ENAH: variants seen among roughly 807,000 people sequenced by gnomAD.
The protein encoded by ENAH is ENAH actin regulator.
ENAH carries 23 observed loss-of-function variants against 78.7 expected under a neutral mutation model. That is an observed-to-expected ratio of 0.29 (90% confidence interval 0.21 to 0.41). The LOEUF is 0.41. Ranked by LOEUF, ENAH falls within the 10% of genes least tolerant of loss-of-function variation. ENAH has a pLI of 1.00. For synonymous variants in ENAH, 226 were observed against 241.0 expected, an observed-to-expected ratio of 0.94 and a Z score of 0.58; for missense variants, 544 against 691.0, an observed-to-expected ratio of 0.79 and a Z score of 2.39.
intron 1 of ENAH, among the ~76,000 whole-genome samples, chr1:225,607,498 C>A: frequency 7.1e-6 from 1 of 140,090 alleles, no homozygotes; most frequent in South Asian, 2.3e-4. Context: ...TTCAGGAATC[C>A]AGAGCAGGGT....
intron 1 of ENAH, among the ~76,000 whole-genome samples, chr1:225,642,191 A>G (rs921045079): frequency 2.0e-5 from 3 of 148,236 alleles, no homozygotes; most frequent in African/African-American, 7.5e-5. Context: ...GGTGAGAAAG[A>G]GTGAGACTCC....
chr1:225,600,529 G>C (rs2096925388), intron 1 of ENAH, among the ~76,000 whole-genome samples: 1 of 152,070 alleles, frequency 6.6e-6, no homozygotes, highest in South Asian at 2.1e-4. Flanking sequence ...CTAATACAAA[G>C]GCCTAAAAGC....
intron 1 of ENAH, among the ~76,000 whole-genome samples, chr1:225,606,228 G>A (rs190188799): frequency 3.9e-5 from 6 of 152,070 alleles, no homozygotes; most frequent in African/African-American, 7.2e-5. Flanking sequence ...TTGGAAGGCC[G>A]AGGCAGGTGG....
At chr1:225,529,155 C>T (rs532440575) in intron 4 of ENAH, among the ~76,000 whole-genome samples, 15 of 152,290 alleles carry the variant, frequency 9.8e-5, no homozygotes, top group Non-Finnish European at 1.8e-4. Context: ...CAGATCATGC[C>T]TATGTTCAAA....
intron 1 of ENAH, among the ~76,000 whole-genome samples, chr1:225,585,344 T>C (rs2096840895): frequency 6.6e-6 from 1 of 151,940 alleles, no homozygotes; most frequent in Admixed American, 6.6e-5. Flanking sequence ...ACAAAAAAAT[T>C]TGCAAGCACA....
At chr1:225,574,600 T>C (rs1279559879) in intron 1 of ENAH, among the ~76,000 whole-genome samples, 3 of 119,220 alleles carry the variant, frequency 2.5e-5, no homozygotes, top group African/African-American at 1.0e-4. Flanking sequence ...AGACTCTGTC[T>C]CCAAAATATA....
At chr1:225,615,670 T>C (rs1421048135) in intron 1 of ENAH, among the ~76,000 whole-genome samples, 1 of 148,142 alleles carries the variant, frequency 6.8e-6, no homozygotes, top group African/African-American at 2.5e-5. Context: ...GTCTGGGATG[T>C]GAGGAGCGCC....
chr1:225,546,742 T>C (rs895034566), intron 3 of ENAH, among the ~76,000 whole-genome samples: 1 of 152,194 alleles, frequency 6.6e-6, no homozygotes, highest in Non-Finnish European at 1.5e-5. Flanking sequence ...TATACTGTAA[T>C]TAACCCCCTT....
rs180757052 is a variant in ENAH, at chr1:225,491,577, C to G, written c.*6198G>C. ...GCTTAAGAGACCAAATTTTTAAAAG[C>G]GTTCTGTAATGTATCTCTCTTATAT... On this transcript the variant is annotated 3_prime_UTR_variant, in exon 14 of 14. Transcript: ENST00000366843. The G allele has an allele frequency of 7.2e-5, 11 of 152,064 alleles. No individual in the cohort carries two copies. Among genetic ancestry groups the G allele is most frequent in the African/African-American group, 2.7e-4 (11 of 41,490 alleles). 9.4% of individuals were successfully genotyped at this position (152,064 alleles called of 1,614,324 possible). A position where few individuals can be genotyped will look rare whatever the true frequency, so the allele number is the denominator to read the frequency against.
intron 1 of ENAH, among the ~76,000 whole-genome samples, chr1:225,602,696 T>C (rs1166950657): frequency 2.0e-5 from 3 of 152,108 alleles, no homozygotes; most frequent in African/African-American, 7.2e-5. Flanking sequence ...TCAACAAATA[T>C]GACCATGCTG....
chr1:225,645,906 T>TA (rs1317534589), intron 1 of ENAH, among the ~76,000 whole-genome samples: 3 of 152,318 alleles, frequency 2.0e-5, no homozygotes, highest in East Asian at 1.9e-4. Context: ...TCTCTACACT[T>TA]AGATATACAT....
chr1:225,639,538 G>A (rs989205829), intron 1 of ENAH, among the ~76,000 whole-genome samples: 2 of 152,010 alleles, frequency 1.3e-5, no homozygotes, highest in Admixed American at 1.3e-4. Context: ...GCTCTGAGAT[G>A]CCTTCCACCA....
Position 225,496,263 on chromosome 1 carries a change from T to C in ENAH, c.*1512A>G, listed in dbSNP as rs532687849. On this transcript the variant is annotated 3_prime_UTR_variant, in exon 14 of 14. Coordinates refer to ENST00000366843, the MANE Select transcript of ENAH (RefSeq NM_018212.6). The stretch of plus-strand genomic sequence containing the variant: ...GAAAGAAAAGGGAGTGGCTTCCATA[T>C]AGACAGCACGTGCGCGAGAGCACAC... 5.7e-4 allele frequency: 87 copies of C among 152,446 alleles called. No individual in the cohort carries two copies. The highest frequency in any genetic ancestry group is 1.9e-3 in the African/African-American group (79 of 41,588). The allele number at this position is 152,446 out of a possible 1,614,324, so 9.4% of individuals were successfully genotyped here.
rs547197784 is a variant in ENAH at position 225,635,663 on chromosome 1, T to C, written c.5+17023A>G. Among the ~76,000 whole-genome samples the C allele has an allele frequency of 8.9e-4, 135 of 152,304 alleles. 1 individual carries two copies. The highest frequency in any genetic ancestry group is 3.1e-3 in the African/African-American group (127 of 41,568). On this transcript the variant is annotated intron_variant, in intron 1 of 13. Coordinates refer to ENST00000366843, the MANE Select transcript of ENAH (RefSeq NM_018212.6). Reference sequence around the variant, plus strand: ...CAGTATATCACAATGTGACCTCTTTTACAAGCAGGGTCTTTGCAGATGTAA... The same window carrying C: ...CAGTATATCACAATGTGACCTCTTTCACAAGCAGGGTCTTTGCAGATGTAA...
intron 1 of ENAH, among the ~76,000 whole-genome samples, chr1:225,584,702 G>C (rs2096836735): frequency 6.6e-6 from 1 of 151,014 alleles, no homozygotes; most frequent in Admixed American, 6.6e-5. Context: ...ATAAACATTG[G>C]TAAGCAACAA....
intron 3 of ENAH, among the ~76,000 whole-genome samples, chr1:225,548,259 T>C (rs940814325): frequency 1.7e-4 from 26 of 151,028 alleles, no homozygotes; most frequent in African/African-American, 5.6e-4. Flanking sequence ...TCTAGTTTAA[T>C]ACTATGCCTT....
chr1:225,634,971 C>A (rs570913388), intron 1 of ENAH, among the ~76,000 whole-genome samples: 1 of 152,142 alleles, frequency 6.6e-6, no homozygotes, highest in Non-Finnish European at 1.5e-5. Flanking sequence ...ATAAGGATTA[C>A]GTTGTGTCTG....
intron 3 of ENAH, among the ~76,000 whole-genome samples, chr1:225,544,671 A>C (rs1030120852): frequency 6.6e-6 from 1 of 152,264 alleles, no homozygotes. Flanking sequence ...AGCTGCGCTC[A>C]TGAAAAATGA....
At chr1:225,647,767 TAA>T (rs1662232244) in intron 1 of ENAH, among the ~76,000 whole-genome samples, 1 of 152,100 alleles carries the variant, frequency 6.6e-6, no homozygotes, top group Non-Finnish European at 1.5e-5. Flanking sequence ...ACAGATTCTA[TAA>T]AAGAGCAACG....
Sources: gnomAD v4.1 joint callset for allele counts (sites outside exome capture counted in the v4.1 genomes callset) on GRCh38, gnomAD v4.1.1 for gene constraint, MANE v1.5 for transcripts, NCBI Gene and HGNC (gene_info 2026-07-23, HGNC 2026-07-21) for gene names.